GRID1: variants seen among roughly 807,000 people sequenced by gnomAD.
GRID1 encodes the protein glutamate receptor ionotropic, delta-1.
GRID1 carries 28 observed loss-of-function variants against 98.0 expected under a neutral mutation model. The ratio of observed to expected loss-of-function variants is 0.29; its 90% CI spans 0.21 to 0.39. The LOEUF is 0.39. Among genes scored for constraint, GRID1 ranks in the 10% least tolerant of loss-of-function variants. The pLI is 1.00. For synonymous variants in GRID1, 553 were observed against 538.5 expected, an observed-to-expected ratio of 1.03 and a Z score of -0.37; for missense variants, 1,111 against 1,340.5, an observed-to-expected ratio of 0.83 and a Z score of 2.67.
chr10:86,200,475 G>A (rs7911411), intron 3 of GRID1, among the ~76,000 whole-genome samples: 3,550 of 152,274 alleles, frequency 0.023, 117 homozygotes, highest in East Asian at 0.11. Flanking sequence ...AGAGGGGCAG[G>A]GGAGGGCAGG....
chr10:86,188,222 AG>A (rs1265990645), intron 3 of GRID1, among the ~76,000 whole-genome samples: 15 of 152,348 alleles, frequency 9.8e-5, no homozygotes, highest in East Asian at 7.7e-4. Context: ...TAAGCAGAAA[AG>A]CTGCATAGAT....
chr10:86,004,683 G>A (rs79202633), intron 4 of GRID1, among the ~76,000 whole-genome samples: 8,526 of 151,748 alleles, frequency 0.056, 302 homozygotes, highest in Middle Eastern at 0.092. Flanking sequence ...TGTGTGAGCC[G>A]ATTCCTTAAA....
chr10:85,865,378 C>A (rs991645436), intron 6 of GRID1, among the ~76,000 whole-genome samples: 1 of 152,184 alleles, frequency 6.6e-6, no homozygotes, highest in Admixed American at 6.5e-5. Flanking sequence ...TGACCACAAG[C>A]CTCATAGAGG....
intron 8 of GRID1, among the ~76,000 whole-genome samples, chr10:85,765,511 T>C (rs191130099): frequency 1.6e-3 from 247 of 152,314 alleles, no homozygotes; most frequent in Non-Finnish European, 2.7e-3. Flanking sequence ...GAAAATTCTA[T>C]ACCTGACCTC....
chr10:86,053,314 T>C (rs1335173847), intron 4 of GRID1, among the ~76,000 whole-genome samples: 1 of 152,178 alleles, frequency 6.6e-6, no homozygotes, highest in African/African-American at 2.4e-5. Flanking sequence ...ATAGCTACTC[T>C]CGTGGACATC....
At chr10:85,635,841 G>A (rs1479620503) in intron 13 of GRID1, among the ~76,000 whole-genome samples, 1 of 152,244 alleles carries the variant, frequency 6.6e-6, no homozygotes, top group Non-Finnish European at 1.5e-5. Flanking sequence ...GGCAGAGAAA[G>A]AGACTGGTGC....
At chr10:86,135,697 G>T (rs1297449249) in intron 4 of GRID1, among the ~76,000 whole-genome samples, 3 of 152,082 alleles carry the variant, frequency 2.0e-5, no homozygotes, top group African/African-American at 7.2e-5. Flanking sequence ...TCACTGCCAA[G>T]GCCAGGCTCA....
intron 5 of GRID1, among the ~76,000 whole-genome samples, chr10:85,893,734 A>G (rs1841239152): frequency 6.6e-6 from 1 of 152,248 alleles, no homozygotes; most frequent in Non-Finnish European, 1.5e-5. Context: ...AAAGACCTAA[A>G]TAAATGAAAA....
intron 12 of GRID1, chr10:85,647,612 A>C: frequency 1.9e-6 from 1 of 525,712 alleles, no homozygotes; most frequent in South Asian, 2.8e-5. Flanking sequence ...AGTGCAGATT[A>C]ATTCAATAAG....
At chr10:85,888,501 T>C (rs1346773452) in intron 5 of GRID1, among the ~76,000 whole-genome samples, 1 of 152,230 alleles carries the variant, frequency 6.6e-6, no homozygotes, top group Non-Finnish European at 1.5e-5. Context: ...AATCAACTTG[T>C]ATTTCTTCAC....
chr10:85,942,087 A>G (rs1842003323), intron 4 of GRID1, among the ~76,000 whole-genome samples: 1 of 152,166 alleles, frequency 6.6e-6, no homozygotes, highest in Non-Finnish European at 1.5e-5. Context: ...TAGATATCCA[A>G]GTTTCTCAAA....
At chr10:85,719,556 AC>A (rs1167356558) in intron 12 of GRID1, among the ~76,000 whole-genome samples, 1 of 152,066 alleles carries the variant, frequency 6.6e-6, no homozygotes, top group Admixed American at 6.6e-5. Flanking sequence ...AAAAGCAGAA[AC>A]CCCTGATAAA....
chr10:86,349,256 GA>G lies in GRID1; in HGVS notation c.235+14684del, dbSNP rs201030221. Among the ~76,000 whole-genome samples, 11 of 152,238 alleles carry G rather than the reference GA, an allele frequency of 7.2e-5. No individual in the cohort carries two copies. The East Asian group carries it at 1.9e-3, about 27-fold the overall frequency. ...ATTTCACCCATGGAGGCTGCTGGGG[GA>G]AGAGGGGCTCCTAAGCCACCAGAAA... On this transcript the variant is annotated intron_variant, in intron 2 of 15. Transcript: ENST00000327946.
intron 4 of GRID1, among the ~76,000 whole-genome samples, chr10:86,067,229 TC>T (rs1318416097): frequency 1.3e-5 from 2 of 152,160 alleles, no homozygotes; most frequent in Non-Finnish European, 2.9e-5. Context: ...TAGAGGCGGC[TC>T]CAGCAGTACA....
In GRID1 at chr10:86,329,025, C is replaced by T. The variant is rs368170918; in HGVS notation, c.235+34916G>A. ...TCTTTCAAGCCCAAAAGCCCTGTCACTATGGGCTGGGTGACCATATCCAAG... is the reference window on the plus strand; with the variant it reads ...TCTTTCAAGCCCAAAAGCCCTGTCATTATGGGCTGGGTGACCATATCCAAG... On this transcript the variant is annotated intron_variant, in intron 2 of 15. Coordinates refer to ENST00000327946, the MANE Select transcript of GRID1 (RefSeq NM_017551.3). 3.2e-4 allele frequency among the ~76,000 whole-genome samples: 48 copies of T among 152,362 alleles called. No individual in the cohort carries two copies. The South Asian group carries it at 8.3e-3, about 26-fold the overall frequency.
intron 12 of GRID1, among the ~76,000 whole-genome samples, chr10:85,657,515 G>T (rs567787503): frequency 2.6e-5 from 4 of 152,196 alleles, no homozygotes; most frequent in African/African-American, 9.6e-5. Flanking sequence ...ATATATGAAT[G>T]AGTTGGCCTT....
At chr10:86,317,397 T>G (rs1228814914) in intron 2 of GRID1, among the ~76,000 whole-genome samples, 1 of 152,164 alleles carries the variant, frequency 6.6e-6, no homozygotes, top group Non-Finnish European at 1.5e-5. Flanking sequence ...TTTCTAGAAG[T>G]GTTATGAATG....
intron 8 of GRID1, among the ~76,000 whole-genome samples, chr10:85,770,083 G>C (rs1365962396): frequency 6.6e-6 from 1 of 152,134 alleles, no homozygotes; most frequent in African/African-American, 2.4e-5. Context: ...CCCCCAGTAG[G>C]GGCAGACTGA....
intron 12 of GRID1, among the ~76,000 whole-genome samples, chr10:85,707,351 A>C (rs1256296705): frequency 6.6e-6 from 1 of 152,260 alleles, no homozygotes; most frequent in African/African-American, 2.4e-5. Flanking sequence ...TGCAGCCAAC[A>C]GACACATGAA....
Sources: allele counts gnomAD v4.1 joint callset (sites outside exome capture counted in the v4.1 genomes callset), GRCh38; gene constraint gnomAD v4.1.1; transcripts MANE v1.5; gene names NCBI Gene and HGNC (gene_info 2026-07-23, HGNC 2026-07-21).